EFTUD2: variants seen among roughly 807,000 people sequenced by gnomAD.
EFTUD2 encodes 116 kDa U5 small nuclear ribonucleoprotein component.
EFTUD2 carries 9 observed loss-of-function variants against 114.3 expected under a neutral mutation model. The observed-to-expected ratio is 0.08, with a 90% CI of 0.05 to 0.14. The LOEUF (loss-of-function observed/expected upper bound fraction) is 0.14, where lower values mean the gene tolerates loss of function less well. EFTUD2 is among the 10% of genes least tolerant of loss of function. EFTUD2 has a pLI of 1.00. For missense variants in EFTUD2, 765 were observed against 1,241.2 expected (o/e 0.62, Z 5.76); for synonymous variants, 449 against 462.3 (o/e 0.97, Z 0.37).
intron 16 of EFTUD2, among the ~76,000 whole-genome samples, chr17:44,860,879 G>A (rs554798675): frequency 4.1e-4 from 62 of 152,232 alleles, no homozygotes; most frequent in African/African-American, 1.4e-3. Context: ...GATTACAGGT[G>A]TGAGCCACCA....
intron 2 of EFTUD2, among the ~76,000 whole-genome samples, chr17:44,893,793 T>C (rs1197897886): frequency 7.5e-6 from 1 of 133,154 alleles, no homozygotes; most frequent in Non-Finnish European, 1.6e-5. Context: ...GGGGCAGGCA[T>C]GGTGGCTCAT....
rs12947631 is a variant in EFTUD2, at chr17:44,855,467, T to C, written c.2046-463A>G. ...ATGCCTGTAATCACAACTACTCAGG[T>C]TGAGGCAGGGGAATCACTTGAACCC... is the stretch of plus-strand genomic sequence containing the variant. On this transcript the variant is annotated intron_variant, in intron 20 of 27. Coordinates refer to ENST00000426333, the MANE Select transcript of EFTUD2 (RefSeq NM_004247.4). Among the ~76,000 whole-genome samples the C allele has an allele frequency of 4.5e-3, 678 of 150,836 alleles. 4 individuals carry two copies. Among genetic ancestry groups the C allele is most frequent in the African/African-American group, 0.015 (633 of 41,024 alleles).
At chr17:44,886,851 C>G (rs944234016) in intron 2 of EFTUD2, 101 bp from the exon 3 acceptor site, 3 of 1,498,492 alleles carry the variant, frequency 2.0e-6, no homozygotes. Flanking sequence ...ACATGCTGGC[C>G]AGCTTCTTAT....
At chr17:44,870,885 GCA>G in intron 11 of EFTUD2, among the ~76,000 whole-genome samples, 1 of 152,122 alleles carries the variant, frequency 6.6e-6, no homozygotes, top group East Asian at 2.0e-4. Flanking sequence ...GGGCATGGTG[GCA>G]TGTACCTGTA....
chr17:44,855,339 G>T (rs1394594396), intron 20 of EFTUD2, among the ~76,000 whole-genome samples: 1 of 152,174 alleles, frequency 6.6e-6, no homozygotes, highest in Non-Finnish European at 1.5e-5. Flanking sequence ...GAGGTGGGCG[G>T]ATCACAAGGT....
intron 10 of EFTUD2, among the ~76,000 whole-genome samples, chr17:44,875,032 C>T (rs1285951735): frequency 6.6e-6 from 1 of 151,864 alleles, no homozygotes; most frequent in Non-Finnish European, 1.5e-5. Flanking sequence ...AGTAATCTGC[C>T]CAACTTTACA....
At chr17:44,879,334 C>T (rs1274350072) in intron 9 of EFTUD2, among the ~76,000 whole-genome samples, 1 of 152,154 alleles carries the variant, frequency 6.6e-6, no homozygotes, top group Admixed American at 6.5e-5. Flanking sequence ...GATCCACCCA[C>T]CTCAGCCTCC....
chr17:44,850,581 A>C lies in EFTUD2; in HGVS notation c.*693T>G. On this transcript the variant is annotated 3_prime_UTR_variant, in exon 28 of 28. Coordinates refer to ENST00000426333, the MANE Select transcript of EFTUD2 (RefSeq NM_004247.4). ...GGAAATCAAAGTGCTCTGGCCCCCT[A>C]CTCCAGGGCAAGGAAGATTCTTAGG... The C allele has an allele frequency of 1.9e-6, 1 of 525,008 alleles. No homozygotes were observed. Among genetic ancestry groups the C allele is most frequent in the East Asian group, 3.0e-5 (1 of 33,894 alleles). The allele number at this position is 525,008 out of a possible 1,614,324, so 32.5% of individuals were successfully genotyped here.
chr17:44,876,890 C>A (rs575261714), intron 9 of EFTUD2, among the ~76,000 whole-genome samples: 27 of 148,010 alleles, frequency 1.8e-4, no homozygotes, highest in African/African-American at 5.2e-4. Flanking sequence ...AACTACTCCC[C>A]ACTATGAGCC....
intron 1 of EFTUD2, among the ~76,000 whole-genome samples, chr17:44,896,250 C>T (rs1469080917): frequency 6.6e-6 from 1 of 152,182 alleles, no homozygotes; most frequent in African/African-American, 2.4e-5. Flanking sequence ...AGAAACAGTT[C>T]AAATGCCACC....
chr17:44,855,291 G>A (rs979929331), intron 20 of EFTUD2, among the ~76,000 whole-genome samples: 2 of 152,042 alleles, frequency 1.3e-5, no homozygotes, highest in African/African-American at 4.8e-5. Flanking sequence ...AGCCAGGCGC[G>A]GTGGCTCACC....
At position 44,875,976 on chromosome 17, in the gene EFTUD2, T is replaced by C. The variant is rs770900625; in HGVS notation, c.827A>G (p.Tyr276Cys). 6.2e-7 allele frequency: 1 copy of C among 1,614,102 alleles called. No individual in the cohort carries two copies. The highest frequency in any genetic ancestry group is 8.5e-7 in the Non-Finnish European group (1 of 1,180,028). Residue 276 changes from tyrosine to cysteine, a missense_variant, in exon 10 of 28, where the codon TAC (tyrosine) becomes TGC (cysteine). Physicochemically the swap from Tyr to Cys is radical, Grantham distance 194 (BLOSUM62 -2). Coordinates refer to ENST00000426333, the MANE Select transcript of EFTUD2 (RefSeq NM_004247.4). ...ELKLPPTDAY[Y>C]KLRHIVDEVN... ...CTCATCCACAATGTGGCGCAGCTTG[T>C]AATAAGCATCAGTTGGAGGCAGCTT...
At chr17:44,890,169 A>AATTTTTGT (rs71136054) in intron 2 of EFTUD2, among the ~76,000 whole-genome samples, 1 of 150,234 alleles carries the variant, frequency 6.7e-6, no homozygotes, top group African/African-American at 2.4e-5. Context: ...ACGCCCAGCT[A>AATTTTTGT]ATTTTTGTAT....
In EFTUD2 at chr17:44,859,725, TAC is replaced by T. The variant is rs895931489; in HGVS notation, c.1860+178_1860+179del. ...CAGGTCTTGTTTTAACACACACACA[TAC>T]ACACACACACGTGTCTTGTCCTGCC... On this transcript the variant is annotated intron_variant, in intron 18 of 27. Coordinates refer to ENST00000426333, the MANE Select transcript of EFTUD2 (RefSeq NM_004247.4). 6.3e-4 allele frequency: 591 copies of T among 932,318 alleles called. 1 individual carries two copies. The highest frequency in any genetic ancestry group is 2.1e-3 in the African/African-American group (124 of 59,502). 57.8% of individuals were successfully genotyped at this position (932,318 alleles called of 1,614,324 possible). A position where few individuals can be genotyped will look rare whatever the true frequency, so the allele number is the denominator to read the frequency against.
At chr17:44,853,195 G>A (rs992330740) in intron 25 of EFTUD2, 101 bp downstream of exon 25, 4 of 1,207,528 alleles carry the variant, frequency 3.3e-6, no homozygotes, top group Non-Finnish European at 3.5e-6. Context: ...CCAGAGAGAG[G>A]AGGGTAGAGA....
At chr17:44,886,118 T>A (rs2051167493) in intron 3 of EFTUD2, among the ~76,000 whole-genome samples, 1 of 152,072 alleles carries the variant, frequency 6.6e-6, no homozygotes, top group South Asian at 2.1e-4. Flanking sequence ...ACACCTATAA[T>A]CCCAGCTACT....
Position 44,854,138 on chromosome 17 carries a change from G to T in EFTUD2, c.2347+131C>A. On this transcript the variant is annotated intron_variant, in intron 23 of 27. Coordinates refer to ENST00000426333, the MANE Select transcript of EFTUD2 (RefSeq NM_004247.4). This position sits in a 1 kb window ranked among gnomAD's most constrained non-coding sequence, Gnocchi z 4.3. The stretch of plus-strand genomic sequence containing the variant: ...AGGAAAAGGGAAGAAGCTGGCCCAG[G>T]ACTTGGGATGGTCCTGTGTACCCCA... 2 of 1,406,004 alleles carry T rather than the reference G, an allele frequency of 1.4e-6. No homozygotes were observed. The highest frequency in any genetic ancestry group is 1.5e-5 in the South Asian group (1 of 66,756). 87.1% of individuals were successfully genotyped at this position (1,406,004 alleles called of 1,614,324 possible). A position where few individuals can be genotyped will look rare whatever the true frequency, so the allele number is the denominator to read the frequency against.
At chr17:44,875,214 T>C (rs916760643) in intron 10 of EFTUD2, among the ~76,000 whole-genome samples, 5 of 151,282 alleles carry the variant, frequency 3.3e-5, no homozygotes, top group African/African-American at 1.2e-4. Context: ...AAAATATAAA[T>C]AAATAAAAAA....
At chr17:44,857,844 T>C (rs1028358173) in intron 19 of EFTUD2, among the ~76,000 whole-genome samples, 3 of 152,104 alleles carry the variant, frequency 2.0e-5, no homozygotes, top group African/African-American at 4.8e-5. Context: ...CATGGGTTAA[T>C]TGTTTAATTG....
Sources: gnomAD v4.1 joint callset for allele counts (sites outside exome capture counted in the v4.1 genomes callset) on GRCh38, gnomAD v4.1.1 for gene constraint, Gnocchi (gnomAD v3.1) non-coding constraint, MANE v1.5 for transcripts, NCBI Gene and HGNC (gene_info 2026-07-23, HGNC 2026-07-21) for gene names.